Variants in PCDHA11 observed in about 807,000 individuals in gnomAD.
The protein encoded by PCDHA11 is protocadherin alpha-11.
PCDHA11 carries 61 observed loss-of-function variants against 70.3 expected under a neutral mutation model. The ratio of observed to expected loss-of-function variants is 0.87; its 90% CI spans 0.71 to 1.07. PCDHA11 has a LOEUF of 1.07. Ranked by LOEUF, PCDHA11 falls within the 50% of genes least tolerant of loss-of-function variation. PCDHA11 has a pLI of 0.00. For synonymous variants in PCDHA11, 633 were observed against 555.1 expected, an observed-to-expected ratio of 1.14 and a Z score of -1.97; for missense variants, 1,324 against 1,237.5, an observed-to-expected ratio of 1.07 and a Z score of -1.05.
At chr5:140,952,705 T>C (rs2094784320) in intron 1 of PCDHA11, among the ~76,000 whole-genome samples, 1 of 152,160 alleles carries the variant, frequency 6.6e-6, no homozygotes, top group Non-Finnish European at 1.5e-5. Context: ...TATCCCACTC[T>C]CAGTATCAAT....
At chr5:140,999,666 G>A (rs185222092) in intron 3 of PCDHA11, among the ~76,000 whole-genome samples, 194 of 152,216 alleles carry the variant, frequency 1.3e-3, no homozygotes, top group African/African-American at 4.4e-3. Flanking sequence ...GCTGGGTTGC[G>A]GGGGGCTCAC....
intron 1 of PCDHA11, among the ~76,000 whole-genome samples, chr5:140,893,497 G>GA (rs1157700367): frequency 4.1e-4 from 62 of 150,170 alleles, no homozygotes; most frequent in African/African-American, 1.2e-3. Context: ...TCACAAAAAA[G>GA]AAAAAAAAAG....
Position 141,010,110 on chromosome 5 carries a change from A to C in PCDHA11, c.*173A>C. On this transcript the variant is annotated 3_prime_UTR_variant, in exon 4 of 4. Coordinates refer to ENST00000398640, the MANE Select transcript of PCDHA11 (RefSeq NM_018902.5). ...GAACGCATTTAACAGGTTTTGTCGT[A>C]AAAGCTTTACTAAGTCTGGTGTTAA... 6.2e-7 allele frequency: 1 copy of C among 1,611,166 alleles called. No individual in the cohort carries two copies. The highest frequency in any genetic ancestry group is 8.5e-7 in the Non-Finnish European group (1 of 1,178,396).
intron 1 of PCDHA11, among the ~76,000 whole-genome samples, chr5:140,872,773 C>CTA (rs1354761914): frequency 6.6e-6 from 1 of 152,078 alleles, no homozygotes; most frequent in Non-Finnish European, 1.5e-5. Context: ...GCTATATTAT[C>CTA]TATAATATAT....
chr5:140,880,978 T>A lies in PCDHA11; in HGVS notation c.2391+9484T>A, dbSNP rs570855539. Among the ~76,000 whole-genome samples the A allele has an allele frequency of 3.6e-4, 55 of 152,312 alleles. No individual in the cohort carries two copies. The South Asian group carries it at 9.1e-3, about 25-fold the overall frequency. On this transcript the variant is annotated intron_variant, in intron 1 of 3. Coordinates refer to ENST00000398640, the MANE Select transcript of PCDHA11 (RefSeq NM_018902.5). ...ATGAGGGTAAGAGAATACCAAATACTCTGCCTAAATTTTCAGAGGAGAGCA... is the reference window on the plus strand; with the variant it reads ...ATGAGGGTAAGAGAATACCAAATACACTGCCTAAATTTTCAGAGGAGAGCA...
intron 1 of PCDHA11, among the ~76,000 whole-genome samples, chr5:140,916,438 A>G (rs975528805): frequency 4.6e-5 from 7 of 152,234 alleles, no homozygotes; most frequent in Admixed American, 4.6e-4. Flanking sequence ...TAAGGCCCAC[A>G]GTATACTACC....
chr5:141,004,682 T>G (rs1002761253), intron 3 of PCDHA11, among the ~76,000 whole-genome samples: 2 of 152,184 alleles, frequency 1.3e-5, no homozygotes, highest in South Asian at 4.1e-4. Flanking sequence ...TGTGGAGTGG[T>G]GCTGAAACCC....
At chr5:140,967,845 A>G in intron 1 of PCDHA11, 3 of 1,614,160 alleles carry the variant, frequency 1.9e-6, no homozygotes, top group Non-Finnish European at 2.5e-6. Flanking sequence ...GACGTGAATG[A>G]CAATGCCCCA....
At chr5:140,950,439 G>A (rs1448812695) in intron 1 of PCDHA11, among the ~76,000 whole-genome samples, 1 of 151,962 alleles carries the variant, frequency 6.6e-6, no homozygotes, top group Non-Finnish European at 1.5e-5. Context: ...TAAAAAAAAT[G>A]TTATTCTACT....
intron 1 of PCDHA11, chr5:140,877,318 G>T (rs1193928342): frequency 1.9e-6 from 3 of 1,614,000 alleles, no homozygotes; most frequent in Non-Finnish European, 2.5e-6. Context: ...ACCGGCGGCG[G>T]TCGGCGCGCA....
At chr5:140,909,451 G>T (rs1433382775) in intron 1 of PCDHA11, among the ~76,000 whole-genome samples, 1 of 152,216 alleles carries the variant, frequency 6.6e-6, no homozygotes, top group African/African-American at 2.4e-5. Flanking sequence ...CATTCTCCAA[G>T]ATCCATCTGT....
In PCDHA11 at chr5:140,870,570, G is replaced by A; in HGVS notation, c.1467G>A (p.Val489=). The A allele has an allele frequency of 6.2e-7, 1 of 1,613,972 alleles. No homozygotes were observed. The highest frequency in any genetic ancestry group is 8.5e-7 in the Non-Finnish European group (1 of 1,179,980). The change falls in exon 1 of 4, where the codon GTG becomes GTA. Residue 489 remains valine (V), a synonymous_variant. Coordinates refer to ENST00000398640, the MANE Select transcript of PCDHA11 (RefSeq NM_018902.5). ...RDADAQENAL[V]SYSLVERRLG... Reference sequence around the variant, plus strand: ...CGGACGCGCAGGAGAACGCGCTGGTGTCCTACTCGCTGGTGGAGCGGCGGT... The same window carrying A: ...CGGACGCGCAGGAGAACGCGCTGGTATCCTACTCGCTGGTGGAGCGGCGGT...
In PCDHA11 at chr5:141,010,671, A is replaced by T. The variant is rs375520397; in HGVS notation, c.*734A>T. The T allele has an allele frequency of 5.7e-4, 94 of 164,082 alleles. 1 individual carries two copies. Among genetic ancestry groups the T allele is most frequent in the Non-Finnish European group, 1.2e-3 (86 of 74,622 alleles). The allele number at this position is 164,082 out of a possible 1,614,324, so 10.2% of individuals were successfully genotyped here. A position where few individuals can be genotyped will look rare whatever the true frequency, so the allele number is the denominator to read the frequency against. On this transcript the variant is annotated 3_prime_UTR_variant, in exon 4 of 4. Transcript: ENST00000398640. Reference sequence around the variant, plus strand: ...TGTTTTAACAGAGAACCACCCTGGGAAACAGAAGCAGATCTGATGTGTTTC... The same window carrying T: ...TGTTTTAACAGAGAACCACCCTGGGTAACAGAAGCAGATCTGATGTGTTTC...
chr5:140,972,660 AT>A (rs11350929), intron 1 of PCDHA11, among the ~76,000 whole-genome samples: 34,850 of 117,234 alleles, frequency 0.3, 4,025 homozygotes, highest in East Asian at 0.43. Context: ...AAGAAACCAA[AT>A]TTTTTTTTTT....
chr5:140,903,434 A>T (rs1372993909), intron 1 of PCDHA11, among the ~76,000 whole-genome samples: 1 of 152,226 alleles, frequency 6.6e-6, no homozygotes, highest in Non-Finnish European at 1.5e-5. Context: ...AATATGTATC[A>T]GTGGAATTCA....
chr5:140,888,197 C>T (rs190439070), intron 1 of PCDHA11, among the ~76,000 whole-genome samples: 18 of 152,162 alleles, frequency 1.2e-4, no homozygotes, highest in East Asian at 1.2e-3. Flanking sequence ...TTTACATTGT[C>T]GGATGCTGGA....
intron 1 of PCDHA11, chr5:140,876,390 T>C (rs782772987): frequency 1.2e-6 from 2 of 1,613,902 alleles, no homozygotes; most frequent in African/African-American, 1.3e-5. Context: ...GAATTTATGG[T>C]GAACTGGATT....
intron 1 of PCDHA11, among the ~76,000 whole-genome samples, chr5:140,942,896 C>CT (rs1554215262): frequency 6.6e-6 from 1 of 151,664 alleles, no homozygotes; most frequent in African/African-American, 2.4e-5. Flanking sequence ...AAATTTATCT[C>CT]TAAGAATAAG....
chr5:140,968,363 G>A, intron 1 of PCDHA11: 1 of 1,614,090 alleles, frequency 6.2e-7, no homozygotes, highest in Non-Finnish European at 8.5e-7. Flanking sequence ...CAGCCTTTAT[G>A]CTGTCAACTC....
Sources: allele counts gnomAD v4.1 joint callset (sites outside exome capture counted in the v4.1 genomes callset), GRCh38; gene constraint gnomAD v4.1.1; transcripts MANE v1.5; gene names NCBI Gene and HGNC (gene_info 2026-07-23, HGNC 2026-07-21).